Variants in MSH3 observed in about 807,000 individuals in gnomAD.
The protein encoded by MSH3 is DNA mismatch repair protein Msh3.
In MSH3, 106 loss-of-function variants were observed where a neutral mutation model predicts 123.3. The observed-to-expected ratio is 0.86, with a 90% CI of 0.73 to 1.01. The LOEUF (loss-of-function observed/expected upper bound fraction) is 1.01, where lower values mean the gene tolerates loss of function less well. Ranked by LOEUF, MSH3 falls within the 50% of genes least tolerant of loss-of-function variation. MSH3 has a pLI of 0.00. For synonymous variants in MSH3, 515 were observed against 481.4 expected (o/e 1.07, Z -0.91); for missense variants, 1,459 against 1,347.6 (o/e 1.08, Z -1.29).
intron 10 of MSH3, among the ~76,000 whole-genome samples, chr5:80,734,792 T>C (rs968745285): frequency 1.3e-5 from 2 of 152,190 alleles, no homozygotes; most frequent in African/African-American, 2.4e-5. Flanking sequence ...AGCTCTGTTA[T>C]CTGGCATTCT....
Position 80,854,182 on chromosome 5 carries a change from C to T in MSH3, c.2866C>T (p.Leu956=), listed in dbSNP as rs2112106354. The change falls in exon 21 of 24, where the codon CTG becomes TTG. Residue 956 remains leucine (L), a synonymous_variant. Transcript: ENST00000265081. ...YKGQSTFMEE[L]TDTAEIIRKA... is the part of the protein sequence containing the mutation. ...AGGACAGAGTACATTTATGGAAGAA[C>T]TGACTGACACAGCAGAAATAATCAG... 1.2e-6 allele frequency: 2 copies of T among 1,613,712 alleles called. No homozygotes were observed. Among genetic ancestry groups the T allele is most frequent in the Middle Eastern group, 1.7e-4 (1 of 6,056 alleles).
intron 19 of MSH3, among the ~76,000 whole-genome samples, chr5:80,805,155 C>T (rs1472757836): frequency 6.6e-6 from 1 of 152,184 alleles, no homozygotes; most frequent in Non-Finnish European, 1.5e-5. Flanking sequence ...TCAATAGATG[C>T]CAAAGCAAAG....
intron 20 of MSH3, among the ~76,000 whole-genome samples, chr5:80,842,991 A>G (rs1745654084): frequency 6.6e-6 from 1 of 152,178 alleles, no homozygotes; most frequent in Non-Finnish European, 1.5e-5. Flanking sequence ...CCGGTTTTCA[A>G]AAGGAATGCT....
intron 3 of MSH3, among the ~76,000 whole-genome samples, chr5:80,668,191 C>G (rs532152339): frequency 2.0e-5 from 3 of 152,090 alleles, no homozygotes; most frequent in African/African-American, 4.8e-5. Flanking sequence ...CAAGTTTGGC[C>G]GAGTCTGGGG....
chr5:80,702,212 G>A (rs1750629157), intron 8 of MSH3, among the ~76,000 whole-genome samples: 1 of 152,142 alleles, frequency 6.6e-6, no homozygotes, highest in African/African-American at 2.4e-5. Flanking sequence ...GTGCCATTGT[G>A]ACTGCTCCCT....
chr5:80,718,096 G>A (rs780233619), intron 8 of MSH3, among the ~76,000 whole-genome samples: 13 of 152,180 alleles, frequency 8.5e-5, no homozygotes, highest in Non-Finnish European at 1.9e-4. Flanking sequence ...TCTAGTCCAG[G>A]ATATAGAGTT....
At chr5:80,854,801 C>T (rs563924423) in intron 21 of MSH3, among the ~76,000 whole-genome samples, 79 of 152,148 alleles carry the variant, frequency 5.2e-4, no homozygotes, top group African/African-American at 1.7e-3. Context: ...TCTGGTTGTA[C>T]GAAAAAGGCC....
intron 22 of MSH3, among the ~76,000 whole-genome samples, chr5:80,865,171 A>G (rs545518127): frequency 6.6e-6 from 1 of 152,276 alleles, no homozygotes; most frequent in South Asian, 2.1e-4. Flanking sequence ...TTGTCGTGGC[A>G]ACCCTTTTCT....
rs894670241 is a variant in MSH3 at position 80,813,626 on chromosome 5, G to T, written c.2698G>T (p.Gly900Cys). 1.9e-6 allele frequency: 3 copies of T among 1,613,960 alleles called. No individual in the cohort carries two copies. Among genetic ancestry groups the T allele is most frequent in the Non-Finnish European group, 2.5e-6 (3 of 1,180,004 alleles). ...RVMIITGPNMGGKSSYIKQVA... is the reference protein window; with the variant it reads ...RVMIITGPNMCGKSSYIKQVA... Reference sequence around the variant, plus strand: ...AATGATAATTACCGGACCAAACATGGGTGGAAAGAGCTCCTACATAAAACA... The same window carrying T: ...AATGATAATTACCGGACCAAACATGTGTGGAAAGAGCTCCTACATAAAACA... Residue 900 changes from glycine (G) to cysteine (C), a missense_variant, in exon 20 of 24, where the codon GGT becomes TGT. By Grantham distance (159) the Gly-to-Cys change is radical. Coordinates refer to ENST00000265081, the MANE Select transcript of MSH3 (RefSeq NM_002439.5).
rs1743268855 is a variant in MSH3, at chr5:80,725,460, G to T, written c.1348G>T (p.Asp450Tyr). Reference sequence around the variant, plus strand: ...TTTCCTTTTTTCTTTCAGTGTGCAGGATGACAGAATTCGAGTCGAAAGGAT... The same window carrying T: ...TTTCCTTTTTTCTTTCAGTGTGCAGTATGACAGAATTCGAGTCGAAAGGAT... Reference protein sequence around the residue: ...IHRATSVSVQDDRIRVERMDN... With the variant: ...IHRATSVSVQYDRIRVERMDN... Residue 450 changes from aspartate to tyrosine, a missense_variant, in exon 9 of 24, where the codon GAT (aspartate) becomes TAT (tyrosine). Asp to Tyr is a radical substitution (Grantham distance 160). Coordinates refer to ENST00000265081, the MANE Select transcript of MSH3 (RefSeq NM_002439.5). 1 of 1,612,370 alleles carries T rather than the reference G, an allele frequency of 6.2e-7. No individual in the cohort carries two copies. The highest frequency in any genetic ancestry group is 1.1e-5 in the South Asian group (1 of 91,024).
In MSH3 at chr5:80,677,151, G is replaced by A. The variant is rs181590602; in HGVS notation, c.1174-1776G>A. ...ATTGATCTTATCTTCTTTTACCCTC[G>A]ACACTGTTTTCCCTGTCACAATGGG... On this transcript the variant is annotated intron_variant, in intron 7 of 23. Coordinates refer to ENST00000265081, the MANE Select transcript of MSH3 (RefSeq NM_002439.5). 2.2e-3 allele frequency among the ~76,000 whole-genome samples: 341 copies of A among 152,206 alleles called. 2 individuals carry two copies. The Middle Eastern group carries it at 0.024, about 11-fold the overall frequency.
chr5:80,815,846 A>T (rs3776976), intron 20 of MSH3, among the ~76,000 whole-genome samples: 1 of 152,138 alleles, frequency 6.6e-6, no homozygotes, highest in Non-Finnish European at 1.5e-5. Context: ...GTAATTGGGA[A>T]TACAATCAGT....
chr5:80,703,951 T>C (rs977243591), intron 8 of MSH3, among the ~76,000 whole-genome samples: 1 of 152,132 alleles, frequency 6.6e-6, no homozygotes, highest in African/African-American at 2.4e-5. Context: ...GGTTTCTGCA[T>C]AGGGCGTGTT....
At chr5:80,701,008 T>A (rs966040887) in intron 8 of MSH3, among the ~76,000 whole-genome samples, 1 of 152,212 alleles carries the variant, frequency 6.6e-6, no homozygotes, top group Non-Finnish European at 1.5e-5. Flanking sequence ...GAGGATTTAA[T>A]TGCATAAAGA....
At chr5:80,807,999 A>G (rs1337265355) in intron 19 of MSH3, among the ~76,000 whole-genome samples, 1 of 152,096 alleles carries the variant, frequency 6.6e-6, no homozygotes, top group Non-Finnish European at 1.5e-5. Flanking sequence ...GACCTGCTGT[A>G]TTTTTATTTT....
At chr5:80,808,287 G>A (rs1352330312) in intron 19 of MSH3, among the ~76,000 whole-genome samples, 1 of 152,124 alleles carries the variant, frequency 6.6e-6, no homozygotes, top group Non-Finnish European at 1.5e-5. Flanking sequence ...ATCTGCCAAT[G>A]ACAGTTTTGT....
At chr5:80,762,175 G>T (rs1744046765) in intron 13 of MSH3, among the ~76,000 whole-genome samples, 1 of 152,006 alleles carries the variant, frequency 6.6e-6, no homozygotes, top group South Asian at 2.1e-4. Context: ...TTTACAGTTT[G>T]AGTCATAGCA....
intron 8 of MSH3, among the ~76,000 whole-genome samples, chr5:80,693,533 A>ATAAATATGCACATGTATATGTT (rs1282076030): frequency 4.1e-5 from 6 of 146,772 alleles, no homozygotes; most frequent in Non-Finnish European, 8.9e-5. Context: ...ATATGTTTAT[A>ATAAATATGCACATGTATATGTT]TAAATATATA....
In MSH3 at chr5:80,792,739, T is replaced by G. The variant is rs755053290; in HGVS notation, c.2550T>G (p.Thr850=). ...VAKQGDYCRP[T]VQEERKIVIK... is the part of the protein sequence containing the mutation. ...ACATATTTCTTTTTTGCAGACCAAC[T>G]GTACAAGAAGAAAGAAAAATTGTAA... is the stretch of plus-strand genomic sequence containing the variant. The change falls in exon 19 of 24, where the codon ACT becomes ACG. Residue 850 remains threonine (T), a synonymous_variant. Coordinates refer to ENST00000265081, the MANE Select transcript of MSH3 (RefSeq NM_002439.5). 3.7e-6 allele frequency: 6 copies of G among 1,603,612 alleles called. No individual in the cohort carries two copies. The highest frequency in any genetic ancestry group is 5.1e-6 in the Non-Finnish European group (6 of 1,171,002).
Sources: gnomAD v4.1 joint callset for allele counts (sites outside exome capture counted in the v4.1 genomes callset) on GRCh38, gnomAD v4.1.1 for gene constraint, MANE v1.5 for transcripts, NCBI Gene and HGNC (gene_info 2026-07-23, HGNC 2026-07-21) for gene names.